FOXP2: variants seen among roughly 807,000 people sequenced by gnomAD.
FOXP2 encodes forkhead box protein P2.
A neutral mutation model predicts 115.8 loss-of-function variants in FOXP2; 12 were observed. The observed-to-expected ratio is 0.10, with a 90% CI of 0.07 to 0.17. The LOEUF is 0.17. Ranked by LOEUF, FOXP2 falls within the 10% of genes least tolerant of loss-of-function variation. FOXP2 has a pLI of 1.00. For missense variants in FOXP2, 629 were observed against 843.5 expected, an observed-to-expected ratio of 0.75 and a Z score of 3.15; for synonymous variants, 328 against 297.7, an observed-to-expected ratio of 1.10 and a Z score of -1.05.
At position 114,113,968 on chromosome 7, in the gene FOXP2, A is replaced by G. The variant is rs1179832116; in HGVS notation, c.-247+26130A>G. On this transcript the variant is annotated intron_variant, in intron 1 of 19. Transcript: ENST00000635638. ...AGAATGAAGCTATGCTACTACATCA[A>G]TGTGAATTTTATGTATGCCTTGTTT... Among the ~76,000 whole-genome samples, 3 of 152,286 alleles carry G rather than the reference A, an allele frequency of 2.0e-5. No individual in the cohort carries two copies. In the East Asian group the frequency reaches 5.8e-4, roughly 29 times the overall value.
At chr7:114,633,909 T>C (rs1452738671) in intron 6 of FOXP2, among the ~76,000 whole-genome samples, 1 of 152,206 alleles carries the variant, frequency 6.6e-6, no homozygotes, top group Admixed American at 6.5e-5. Context: ...TTTTGATTGG[T>C]TGATTAGCCT....
intron 2 of FOXP2, among the ~76,000 whole-genome samples, chr7:114,356,757 T>C (rs922596320): frequency 1.3e-5 from 2 of 152,180 alleles, no homozygotes; most frequent in African/African-American, 2.4e-5. Flanking sequence ...ATGATAATTA[T>C]TATTCAAAAC....
chr7:114,311,367 G>T (rs945171525), intron 2 of FOXP2, among the ~76,000 whole-genome samples: 6 of 152,254 alleles, frequency 3.9e-5, no homozygotes, highest in African/African-American at 1.4e-4. Context: ...TGGTTCTGTG[G>T]GTCTTGGCCT....
chr7:114,629,447 T>G (rs1804769352), intron 4 of FOXP2: 1 of 704,520 alleles, frequency 1.4e-6, no homozygotes, highest in Non-Finnish European at 2.3e-6. Flanking sequence ...AGCAACCTGA[T>G]TTTATGTAGC....
At chr7:114,583,749 G>T (rs755341314) in intron 3 of FOXP2, among the ~76,000 whole-genome samples, 1 of 152,116 alleles carries the variant, frequency 6.6e-6, no homozygotes, top group Non-Finnish European at 1.5e-5. Context: ...AGTATATTCC[G>T]TCCAAATATT....
chr7:114,368,517 G>C (rs1164668925), intron 2 of FOXP2, among the ~76,000 whole-genome samples: 2 of 152,166 alleles, frequency 1.3e-5, no homozygotes, highest in Non-Finnish European at 2.9e-5. Context: ...CATAGTCAGA[G>C]CCTTAACCAT....
intron 1 of FOXP2, among the ~76,000 whole-genome samples, chr7:114,253,776 C>T (rs984120843): frequency 6.6e-6 from 1 of 152,158 alleles, no homozygotes; most frequent in Non-Finnish European, 1.5e-5. Flanking sequence ...TTAATTGGAG[C>T]ATGTAGTGCA....
chr7:114,625,289 A>G (rs1804492950), intron 3 of FOXP2, among the ~76,000 whole-genome samples: 2 of 151,760 alleles, frequency 1.3e-5, no homozygotes, highest in South Asian at 4.1e-4. Flanking sequence ...GAGCCACCAG[A>G]CTTTTATTTG....
intron 1 of FOXP2, among the ~76,000 whole-genome samples, chr7:114,092,463 C>T (rs1270454704): frequency 6.6e-6 from 1 of 151,138 alleles, no homozygotes; most frequent in Non-Finnish European, 1.5e-5. Context: ...ATTATTTTAG[C>T]TTTGTATCAT....
At chr7:114,556,592 T>A (rs1186851683) in intron 3 of FOXP2, among the ~76,000 whole-genome samples, 1 of 152,238 alleles carries the variant, frequency 6.6e-6, no homozygotes, top group Non-Finnish European at 1.5e-5. Context: ...ATCTTCATGC[T>A]TCATTCATTG....
intron 1 of FOXP2, among the ~76,000 whole-genome samples, chr7:114,214,273 C>CA (rs1350236204): frequency 6.6e-6 from 1 of 152,116 alleles, no homozygotes; most frequent in African/African-American, 2.4e-5. Context: ...TAAAACCAAG[C>CA]AATTTGATCA....
At chr7:114,180,410 C>T (rs1476147778) in intron 1 of FOXP2, among the ~76,000 whole-genome samples, 1 of 151,888 alleles carries the variant, frequency 6.6e-6, no homozygotes, top group Admixed American at 6.6e-5. Flanking sequence ...TCTAGATGAG[C>T]TCACTTACTC....
intron 10 of FOXP2, among the ~76,000 whole-genome samples, chr7:114,655,410 AT>A (rs886204443): frequency 4.6e-5 from 7 of 152,188 alleles, no homozygotes; most frequent in African/African-American, 1.7e-4. Context: ...ATTACATTAC[AT>A]AAACCACACA....
chr7:114,675,075 A>T (rs141408445), intron 16 of FOXP2, among the ~76,000 whole-genome samples: 2 of 152,222 alleles, frequency 1.3e-5, no homozygotes, highest in Admixed American at 1.3e-4. Context: ...ATTACTCTAA[A>T]AGTTACATAG....
intron 1 of FOXP2, among the ~76,000 whole-genome samples, chr7:114,149,343 T>C (rs574803102): frequency 1.1e-4 from 17 of 152,168 alleles, no homozygotes; most frequent in African/African-American, 3.9e-4. Flanking sequence ...GACATAATTA[T>C]TATAAATAAT....
At chr7:114,539,167 A>G (rs1009651876) in intron 3 of FOXP2, among the ~76,000 whole-genome samples, 39 of 151,928 alleles carry the variant, frequency 2.6e-4, no homozygotes, top group Non-Finnish European at 5.9e-5. Context: ...TCCATATCAT[A>G]TGTAAAAAAT....
chr7:114,586,656 A>G (rs1300748738), intron 3 of FOXP2, among the ~76,000 whole-genome samples: 1 of 152,050 alleles, frequency 6.6e-6, no homozygotes, highest in Non-Finnish European at 1.5e-5. Context: ...ATATTATATG[A>G]ATTTAAGTTA....
chr7:114,579,690 CCT>C (rs555384813), intron 3 of FOXP2, among the ~76,000 whole-genome samples: 219 of 152,236 alleles, frequency 1.4e-3, no homozygotes, highest in Admixed American at 2.7e-3. Flanking sequence ...TGGATTAATT[CCT>C]TTTTTAATAT....
At chr7:114,687,672 A>G (rs1226044462) in intron 16 of FOXP2, among the ~76,000 whole-genome samples, 9 of 152,140 alleles carry the variant, frequency 5.9e-5, no homozygotes, top group Admixed American at 5.9e-4. Flanking sequence ...TCTCTTTAAT[A>G]TTTTTAAGTA....
Sources: gnomAD v4.1 joint callset for allele counts (sites outside exome capture counted in the v4.1 genomes callset) on GRCh38, gnomAD v4.1.1 for gene constraint, MANE v1.5 for transcripts, NCBI Gene and HGNC (gene_info 2026-07-23, HGNC 2026-07-21) for gene names.